The following C5AR2 variants were observed in gnomAD, a reference collection of about 807,000 sequenced individuals.
The protein encoded by C5AR2 is complement C5a receptor 2, also known as C5a anaphylatoxin chemotactic receptor 2.
For missense variants in C5AR2, 458 were observed against 467.5 expected (o/e 0.98, Z 0.19); for synonymous variants, 224 against 216.5 (o/e 1.03, Z -0.30).
At chr19:47,333,693 C>T (rs189974810) in intron 1 of C5AR2, among the ~76,000 whole-genome samples, 3,290 of 151,750 alleles carry the variant, frequency 0.022, 45 homozygotes, top group Non-Finnish European at 0.032. Flanking sequence ...ATTCTCCTGC[C>T]TCAGCCTCCT....
chr19:47,334,556 C>G (rs2059350386), intron 1 of C5AR2, among the ~76,000 whole-genome samples: 1 of 151,898 alleles, frequency 6.6e-6, no homozygotes, highest in Non-Finnish European at 1.5e-5. Flanking sequence ...TCAGTTGAGC[C>G]TAGGAGGTAG....
rs34869877 is a variant in C5AR2 at position 47,346,744 on chromosome 19, CAGAA to C, written c.*4936_*4939del. The C allele has an allele frequency of 6.6e-6, 1 of 151,956 alleles. No individual in the cohort carries two copies. The highest frequency in any genetic ancestry group is 1.5e-5 in the Non-Finnish European group (1 of 68,026). 9.4% of individuals were successfully genotyped at this position (151,956 alleles called of 1,614,324 possible). A position where few individuals can be genotyped will look rare whatever the true frequency, so the allele number is the denominator to read the frequency against. Reference sequence around the variant, plus strand: ...TAAGAAAGAAGGAAAGACACAAAGACAGAAAGAAGGAAGGAAAGAAAGCAAGCTG... The same window carrying C: ...TAAGAAAGAAGGAAAGACACAAAGACAGAAGGAAGGAAAGAAAGCAAGCTG... On this transcript the variant is annotated 3_prime_UTR_variant, in exon 2 of 2. Transcript: ENST00000595464.
chr19:47,337,680 T>C lies in C5AR2; in HGVS notation c.-15-3105T>C, dbSNP rs531824745. On this transcript the variant is annotated intron_variant, in intron 1 of 1. Transcript: ENST00000595464. ...CTGTCTCAAAAAAAAAAATTTTACC[T>C]ACTTAGCTGAGTGATCTTAGGTAAA... 2.0e-5 allele frequency among the ~76,000 whole-genome samples: 3 copies of C among 151,408 alleles called. No individual in the cohort carries two copies. The South Asian group carries it at 6.3e-4, about 32-fold the overall frequency.
In C5AR2 at chr19:47,334,509, C is replaced by T. The variant is rs546052048; in HGVS notation, c.-16+2160C>T. On this transcript the variant is annotated intron_variant, in intron 1 of 1. Coordinates refer to ENST00000595464, the MANE Select transcript of C5AR2 (RefSeq NM_001271749.2). ...TTAGCTGGGCATGATGGCGTGCACCCGTAGTCCCAGCTACTCCAGAGGCTG... is the reference window on the plus strand; with the variant it reads ...TTAGCTGGGCATGATGGCGTGCACCTGTAGTCCCAGCTACTCCAGAGGCTG... 1.7e-4 allele frequency among the ~76,000 whole-genome samples: 25 copies of T among 151,492 alleles called. No homozygotes were observed. The South Asian group carries it at 3.4e-3, about 20-fold the overall frequency.
chr19:47,334,400 G>A (rs1599737919), intron 1 of C5AR2, among the ~76,000 whole-genome samples: 1 of 151,868 alleles, frequency 6.6e-6, no homozygotes, highest in Non-Finnish European at 1.5e-5. Context: ...GGAGGCTGAG[G>A]TGGGAGGATT....
intron 1 of C5AR2, among the ~76,000 whole-genome samples, chr19:47,333,640 G>A (rs2059347248): frequency 6.9e-6 from 1 of 145,322 alleles, no homozygotes; most frequent in Non-Finnish European, 1.5e-5. Context: ...GTGCAGTGGT[G>A]CGATCTCGGC....
Position 47,341,990 on chromosome 19 carries a change from G to C in C5AR2, c.*177G>C. 1.6e-6 allele frequency: 1 copy of C among 618,852 alleles called. No homozygotes were observed. The highest frequency in any genetic ancestry group is 2.8e-5 in the East Asian group (1 of 35,780). 38.3% of individuals were successfully genotyped at this position (618,852 alleles called of 1,614,324 possible). ...TTTTAGGCACTAGAGATATAGCAGT[G>C]ACCAAAACAGACACAAATCCTGCCC... is the stretch of plus-strand genomic sequence containing the variant. On this transcript the variant is annotated 3_prime_UTR_variant, in exon 2 of 2. Coordinates refer to ENST00000595464, the MANE Select transcript of C5AR2 (RefSeq NM_001271749.2). This position sits in a 1 kb window ranked among gnomAD's most constrained non-coding sequence, Gnocchi z 4.6.
rs1276249903 is a variant in C5AR2, at chr19:47,345,524, C to G, written c.*3711C>G. 1 of 151,686 alleles carries G rather than the reference C, an allele frequency of 6.6e-6. No homozygotes were observed. The highest frequency in any genetic ancestry group is 2.4e-5 in the African/African-American group (1 of 41,226). The allele number at this position is 151,686 out of a possible 1,614,324, so 9.4% of individuals were successfully genotyped here. A position where few individuals can be genotyped will look rare whatever the true frequency, so the allele number is the denominator to read the frequency against. ...GGACTACAGGCGTGTGCCACCAAAC[C>G]CAGCTAATGTTTTTTTTTTTTTATT... On this transcript the variant is annotated 3_prime_UTR_variant, in exon 2 of 2. Coordinates refer to ENST00000595464, the MANE Select transcript of C5AR2 (RefSeq NM_001271749.2).
Position 47,341,301 on chromosome 19 carries a change from C to A in C5AR2, c.502C>A (p.Pro168Thr), listed in dbSNP as rs1257929346. 3 of 1,608,674 alleles carry A rather than the reference C, an allele frequency of 1.9e-6. No homozygotes were observed. The highest frequency in any genetic ancestry group is 2.5e-6 in the Non-Finnish European group (3 of 1,179,890). Reference protein sequence around the residue: ...AWTLALLLTVPSAIYRRLHQE... With the variant: ...AWTLALLLTVTSAIYRRLHQE... ...GACACTGGCCTTGCTGCTCACCGTG[C>A]CCTCCGCCATCTACCGCCGGCTGCA... The change falls in exon 2 of 2, where the codon CCC becomes ACC. Residue 168 changes from proline (P) to threonine (T), a missense_variant. Physicochemically the swap from Pro to Thr is conservative, Grantham distance 38 (BLOSUM62 -1). Transcript: ENST00000595464. The surrounding 1 kb of genome is among the most constrained non-coding windows in gnomAD (Gnocchi z 4.6).
rs4802346 is a variant in C5AR2 at position 47,343,576 on chromosome 19, T to G, written c.*1763T>G. The G allele has an allele frequency of 2.0e-5, 3 of 151,846 alleles. No individual in the cohort carries two copies. Among genetic ancestry groups the G allele is most frequent in the African/African-American group, 7.3e-5 (3 of 41,306 alleles). 9.4% of individuals were successfully genotyped at this position (151,846 alleles called of 1,614,324 possible). On this transcript the variant is annotated 3_prime_UTR_variant, in exon 2 of 2. Transcript: ENST00000595464. ...ATCTCAGCACTTTGGGAGGCCGAGG[T>G]GGGAGGATTGCATGAGCCCAGGAGT...
chr19:47,340,805 G>A lies in C5AR2; in HGVS notation c.6G>A (p.Gly2=). The change falls in exon 2 of 2, where the codon GGG becomes GGA. Residue 2 remains glycine, a synonymous_variant. Coordinates refer to ENST00000595464, the MANE Select transcript of C5AR2 (RefSeq NM_001271749.2). M[G]NDSVSYEYGD... ...CCCAGACACCAGGAGCCTGAATGGG[G>A]AACGATTCTGTCAGCTACGAGTATG... 6.2e-7 allele frequency: 1 copy of A among 1,613,360 alleles called. No homozygotes were observed. The highest frequency in any genetic ancestry group is 8.5e-7 in the Non-Finnish European group (1 of 1,179,928).
intron 1 of C5AR2, among the ~76,000 whole-genome samples, chr19:47,334,843 A>G (rs1469811436): frequency 6.6e-6 from 1 of 150,740 alleles, no homozygotes; most frequent in Non-Finnish European, 1.5e-5. Flanking sequence ...TGTTCAGAAC[A>G]TTTACATTAC....
At position 47,341,402 on chromosome 19, in the gene C5AR2, T is replaced by C. The variant is rs773685449; in HGVS notation, c.603T>C (p.Thr201=). The part of the protein sequence containing the change: ...GGSSSTENAV[T]AIRFLFGFLG... ...CCTCCAGCACCGAGAATGCGGTGAC[T>C]GCCATCCGGTTTCTTTTTGGCTTCC... is the stretch of plus-strand genomic sequence containing the variant. Residue 201 remains threonine (T), a synonymous_variant, in exon 2 of 2, where the codon ACT becomes ACC. Coordinates refer to ENST00000595464, the MANE Select transcript of C5AR2 (RefSeq NM_001271749.2). The surrounding 1 kb of genome is among the most constrained non-coding windows in gnomAD (Gnocchi z 4.6). 117 of 1,612,304 alleles carry C rather than the reference T, an allele frequency of 7.3e-5. No homozygotes were observed. Among genetic ancestry groups the C allele is most frequent in the Non-Finnish European group, 9.3e-5 (110 of 1,179,860 alleles).
intron 1 of C5AR2, among the ~76,000 whole-genome samples, chr19:47,336,166 T>G (rs996479900): frequency 6.6e-6 from 1 of 151,978 alleles, no homozygotes; most frequent in Non-Finnish European, 1.5e-5. Context: ...CTTGGCTCAC[T>G]GCAACCTCTG....
Position 47,341,716 on chromosome 19 carries a change from C to T in C5AR2, c.917C>T (p.Ala306Val), listed in dbSNP as rs1214394116. 1 of 1,614,014 alleles carries T rather than the reference C, an allele frequency of 6.2e-7. No homozygotes were observed. Among genetic ancestry groups the T allele is most frequent in the Non-Finnish European group, 8.5e-7 (1 of 1,180,032 alleles). Residue 306 changes from alanine (A) to valine (V), a missense_variant, in exon 2 of 2, where the codon GCC becomes GTC. By Grantham distance (64) the Ala-to-Val change is moderately conservative (BLOSUM62 0). Transcript: ENST00000595464. The surrounding 1 kb of genome is among the most constrained non-coding windows in gnomAD (Gnocchi z 4.6). Reference protein sequence around the residue: ...RAQLRRSLPAACHWALRESQG... With the variant: ...RAQLRRSLPAVCHWALRESQG... Reference sequence around the variant, plus strand: ...CAACTCCGCCGGTCACTGCCAGCTGCCTGTCACTGGGCCCTGAGGGAGTCC... The same window carrying T: ...CAACTCCGCCGGTCACTGCCAGCTGTCTGTCACTGGGCCCTGAGGGAGTCC...
At chr19:47,336,476 C>A (rs867904806) in intron 1 of C5AR2, among the ~76,000 whole-genome samples, 3 of 97,764 alleles carry the variant, frequency 3.1e-5, no homozygotes, top group African/African-American at 1.5e-4. Flanking sequence ...TTCCTTCCTT[C>A]CTTCCTTCCT....
intron 1 of C5AR2, among the ~76,000 whole-genome samples, chr19:47,333,163 C>A (rs906950171): frequency 6.6e-6 from 1 of 151,388 alleles, no homozygotes; most frequent in Non-Finnish European, 1.5e-5. Flanking sequence ...CGCCACCACA[C>A]CTAGCTAATT....
rs1969112307 is a variant in C5AR2 at position 47,345,843 on chromosome 19, G to A, written c.*4030G>A. 1 of 151,980 alleles carries A rather than the reference G, an allele frequency of 6.6e-6. No homozygotes were observed. The highest frequency in any genetic ancestry group is 1.5e-5 in the Non-Finnish European group (1 of 67,994). The allele number at this position is 151,980 out of a possible 1,614,324, so 9.4% of individuals were successfully genotyped here. The stretch of plus-strand genomic sequence containing the variant: ...GGCTCGAATATTGGACCAAATTGAG[G>A]ACCAGCTAAAACAGGGAGGAGGCTG... On this transcript the variant is annotated 3_prime_UTR_variant, in exon 2 of 2. Coordinates refer to ENST00000595464, the MANE Select transcript of C5AR2 (RefSeq NM_001271749.2).
At chr19:47,339,585 G>A (rs1450264450) in intron 1 of C5AR2, among the ~76,000 whole-genome samples, 3 of 152,044 alleles carry the variant, frequency 2.0e-5, no homozygotes, top group Non-Finnish European at 2.9e-5. Flanking sequence ...CCAAATTCCC[G>A]TGATTACTGG....
Sources: gnomAD v4.1 joint callset for allele counts (sites outside exome capture counted in the v4.1 genomes callset) on GRCh38, gnomAD v4.1.1 for gene constraint, Gnocchi (gnomAD v3.1) non-coding constraint, MANE v1.5 for transcripts, NCBI Gene and HGNC (gene_info 2026-07-23, HGNC 2026-07-21) for gene names.